VSNL1: variants seen among roughly 807,000 people sequenced by gnomAD.
VSNL1 encodes visinin like 1, also known as visinin-like protein 1.
Under a neutral mutation model 20.4 loss-of-function variants are expected in VSNL1, and 6 were observed. The ratio of observed to expected loss-of-function variants is 0.29; its 90% CI spans 0.16 to 0.58. VSNL1 has a LOEUF of 0.58. Ranked by LOEUF, VSNL1 falls within the 20% of genes least tolerant of loss-of-function variation. The pLI is 0.90. For synonymous variants in VSNL1, 93 were observed against 86.4 expected, an observed-to-expected ratio of 1.08 and a Z score of -0.42; for missense variants, 100 against 234.5, an observed-to-expected ratio of 0.43 and a Z score of 3.75.
At chr2:17,622,545 AAAG>A (rs1369877248) in intron 2 of VSNL1, among the ~76,000 whole-genome samples, 1,171 of 64,678 alleles carry the variant, frequency 0.018, 7 homozygotes, top group Non-Finnish European at 0.023. Flanking sequence ...AGAAAGAAAG[AAAG>A]AAAGAAAGAA....
rs1322285040 is a variant in VSNL1 at position 17,655,410 on chromosome 2, A to C, written c.*16A>C. ...CCAGAAATGAGCTGATGTCAATGCT[A>C]TGGACTGCACAAAAGTCTCAATGTT... On this transcript the variant is annotated 3_prime_UTR_variant, in exon 4 of 4. Coordinates refer to ENST00000295156, the MANE Select transcript of VSNL1 (RefSeq NM_003385.5). The surrounding 1 kb of genome is among the most constrained non-coding windows in gnomAD (Gnocchi z 5.2). 6.2e-7 allele frequency: 1 copy of C among 1,603,250 alleles called. No individual in the cohort carries two copies. The highest frequency in any genetic ancestry group is 8.5e-7 in the Non-Finnish European group (1 of 1,175,962).
chr2:17,544,141 T>C (rs1663357251), intron 1 of VSNL1, among the ~76,000 whole-genome samples: 1 of 152,036 alleles, frequency 6.6e-6, no homozygotes, highest in Admixed American at 6.5e-5. Context: ...TTTCAAAGAG[T>C]AGGTAACTAC....
chr2:17,560,883 A>G (rs1663797604), intron 1 of VSNL1, among the ~76,000 whole-genome samples: 2 of 152,198 alleles, frequency 1.3e-5, no homozygotes, highest in Admixed American at 1.3e-4. Context: ...TCAGATTGCA[A>G]CATATGAGGT....
At chr2:17,604,165 G>A (rs2103387343) in intron 2 of VSNL1, among the ~76,000 whole-genome samples, 1 of 152,228 alleles carries the variant, frequency 6.6e-6, no homozygotes, top group Non-Finnish European at 1.5e-5. Flanking sequence ...GCAGGGCAGA[G>A]GGTGTGGTGC....
intron 2 of VSNL1, among the ~76,000 whole-genome samples, chr2:17,645,750 C>T (rs1214783861): frequency 6.6e-6 from 1 of 152,196 alleles, no homozygotes; most frequent in African/African-American, 2.4e-5. Flanking sequence ...GCAAAGACTC[C>T]TGTTGTCTGC....
chr2:17,554,594 A>G (rs1615739), intron 1 of VSNL1, among the ~76,000 whole-genome samples: 1 of 151,914 alleles, frequency 6.6e-6, no homozygotes, highest in African/African-American at 2.4e-5. Flanking sequence ...AACAACCAGA[A>G]CTAAAGAGGG....
intron 2 of VSNL1, among the ~76,000 whole-genome samples, chr2:17,635,502 C>G (rs895339035): frequency 5.3e-5 from 8 of 152,188 alleles, no homozygotes; most frequent in Admixed American, 4.6e-4. Flanking sequence ...GCTCCTTCTC[C>G]TAGGAGTTCT....
chr2:17,651,046 T>C (rs938361115), intron 3 of VSNL1, among the ~76,000 whole-genome samples: 7 of 152,214 alleles, frequency 4.6e-5, no homozygotes, highest in African/African-American at 1.7e-4. Flanking sequence ...TTGTCCATCT[T>C]CCACACTTAA....
At chr2:17,595,303 A>T (rs1262706639) in intron 2 of VSNL1, among the ~76,000 whole-genome samples, 1 of 152,204 alleles carries the variant, frequency 6.6e-6, no homozygotes, top group East Asian at 1.9e-4. Flanking sequence ...TGATGGAGGC[A>T]TATAAAAGTG....
chr2:17,582,547 A>C (rs1162949654), intron 1 of VSNL1, among the ~76,000 whole-genome samples: 1 of 152,146 alleles, frequency 6.6e-6, no homozygotes, highest in African/African-American at 2.4e-5. Flanking sequence ...AAGAGTTAGA[A>C]AGTAGAATCT....
intron 1 of VSNL1, among the ~76,000 whole-genome samples, chr2:17,552,267 T>C (rs1663562347): frequency 6.6e-6 from 1 of 151,996 alleles, no homozygotes; most frequent in Non-Finnish European, 1.5e-5. Context: ...CACGCGTTAC[T>C]TCATTACTTA....
intron 2 of VSNL1, among the ~76,000 whole-genome samples, chr2:17,642,943 C>T (rs1665913090): frequency 6.6e-6 from 1 of 151,914 alleles, no homozygotes; most frequent in Admixed American, 6.6e-5. Flanking sequence ...GAAGTTGTCA[C>T]CCAGAGGACA....
chr2:17,618,865 G>A (rs1665282229), intron 2 of VSNL1, among the ~76,000 whole-genome samples: 2 of 152,190 alleles, frequency 1.3e-5, no homozygotes, highest in Admixed American at 1.3e-4. Flanking sequence ...GAAGGCAGAG[G>A]AGGGAATGGC....
chr2:17,611,861 C>T (rs4268925), intron 2 of VSNL1, among the ~76,000 whole-genome samples: 107,595 of 152,164 alleles, frequency 0.71, 39,644 homozygotes, highest in Middle Eastern at 0.89. Flanking sequence ...ATATTTAATG[C>T]GTACATCCTG....
chr2:17,622,967 C>A (rs964179129), intron 2 of VSNL1, among the ~76,000 whole-genome samples: 14 of 152,316 alleles, frequency 9.2e-5, no homozygotes, highest in African/African-American at 3.4e-4. Context: ...CCCTCATCTA[C>A]ACAAAAGCAT....
At chr2:17,555,914 A>G (rs1388557754) in intron 1 of VSNL1, among the ~76,000 whole-genome samples, 2 of 152,224 alleles carry the variant, frequency 1.3e-5, no homozygotes, top group African/African-American at 4.8e-5. Context: ...CCCCAGAGAC[A>G]TAAAGATCCT....
At chr2:17,591,677 T>G (rs532140109) in intron 1 of VSNL1, among the ~76,000 whole-genome samples, 1 of 152,260 alleles carries the variant, frequency 6.6e-6, no homozygotes, top group Admixed American at 6.5e-5. Flanking sequence ...CCACTGAGTA[T>G]CCCATTAAAC....
At chr2:17,585,066 A>T (rs1012370140) in intron 1 of VSNL1, among the ~76,000 whole-genome samples, 2 of 152,134 alleles carry the variant, frequency 1.3e-5, no homozygotes, top group Non-Finnish European at 2.9e-5. Flanking sequence ...TTAAAAAAAT[A>T]TGTTTGCCTT....
chr2:17,588,763 T>A (rs1241482217), intron 1 of VSNL1, among the ~76,000 whole-genome samples: 1 of 152,206 alleles, frequency 6.6e-6, no homozygotes, highest in East Asian at 1.9e-4. Flanking sequence ...TGCAGTTAAA[T>A]GAAATATTTC....
Sources: gnomAD v4.1 joint callset for allele counts (sites outside exome capture counted in the v4.1 genomes callset) on GRCh38, gnomAD v4.1.1 for gene constraint, Gnocchi (gnomAD v3.1) non-coding constraint, MANE v1.5 for transcripts, NCBI Gene and HGNC (gene_info 2026-07-23, HGNC 2026-07-21) for gene names.